CPXM2: variants seen among roughly 807,000 people sequenced by gnomAD.
CPXM2 encodes the protein carboxypeptidase X, M14 family member 2, also known as inactive carboxypeptidase-like protein X2.
In CPXM2, 66 loss-of-function variants were observed where a neutral mutation model predicts 86.1. The ratio of observed to expected loss-of-function variants is 0.77; its 90% confidence interval spans 0.63 to 0.94. CPXM2 has a LOEUF of 0.94. CPXM2 is among the 40% of genes least tolerant of loss of function. CPXM2 has a pLI of 0.00. For synonymous variants in CPXM2, 388 were observed against 400.2 expected (o/e 0.97, Z 0.36); for missense variants, 948 against 1,026.3 (o/e 0.92, Z 1.04).
chr10:123,812,768 G>A (rs966527025), intron 4 of CPXM2, among the ~76,000 whole-genome samples: 13 of 152,144 alleles, frequency 8.5e-5, no homozygotes, highest in African/African-American at 2.9e-4. Flanking sequence ...TGCTCCTTAT[G>A]AGAATCTAAT....
intron 2 of CPXM2, among the ~76,000 whole-genome samples, chr10:123,899,886 A>G (rs1431716007): frequency 6.6e-6 from 1 of 152,244 alleles, no homozygotes; most frequent in African/African-American, 2.4e-5. Flanking sequence ...TGTTAAATAA[A>G]AACCTCAGAA....
chr10:123,752,087 G>A, intron 13 of CPXM2: 1 of 984,816 alleles, frequency 1.0e-6, no homozygotes, highest in Non-Finnish European at 1.2e-6. Context: ...TTTTAGAATT[G>A]TCATTTCAAA....
intron 2 of CPXM2, among the ~76,000 whole-genome samples, chr10:123,929,352 A>G (rs1945648008): frequency 6.6e-6 from 1 of 152,212 alleles, no homozygotes; most frequent in South Asian, 2.1e-4. Flanking sequence ...GGAGTGAATG[A>G]GGCTGACTCA....
At chr10:123,921,562 A>G (rs1945579622) in intron 2 of CPXM2, among the ~76,000 whole-genome samples, 1 of 152,230 alleles carries the variant, frequency 6.6e-6, no homozygotes, top group Non-Finnish European at 1.5e-5. Flanking sequence ...CAGCCCACCT[A>G]TCCCTGTATA....
In CPXM2 at chr10:123,898,277, G is replaced by A. The variant is rs572236006; in HGVS notation, n.175-17968C>T. 2.5e-4 allele frequency among the ~76,000 whole-genome samples: 38 copies of A among 152,188 alleles called. No individual in the cohort carries two copies. In the Middle Eastern group the frequency reaches 0.017, roughly 68 times the overall value. On this transcript the variant is annotated intron_variant and non_coding_transcript_variant, in intron 2 of 19. Coordinates refer to the CPXM2 transcript ENST00000368854. The stretch of plus-strand genomic sequence containing the variant: ...TAATATTAAATCAATTAAAATGGGC[G>A]TCAAACAATCTTTATTAAAAAAAAT...
chr10:123,801,170 G>A (rs1847449693), intron 4 of CPXM2, among the ~76,000 whole-genome samples: 2 of 152,164 alleles, frequency 1.3e-5, no homozygotes, highest in South Asian at 4.2e-4. Flanking sequence ...GGGACCCAGT[G>A]GGAGGTAATT....
At chr10:123,799,931 T>C (rs1847419007) in intron 4 of CPXM2, among the ~76,000 whole-genome samples, 1 of 152,114 alleles carries the variant, frequency 6.6e-6, no homozygotes, top group African/African-American at 2.4e-5. Context: ...TTTTTTATAA[T>C]ATTAGTTGTT....
intron 2 of CPXM2, among the ~76,000 whole-genome samples, chr10:123,868,417 A>C (rs1590084090): frequency 6.6e-6 from 1 of 152,208 alleles, no homozygotes; most frequent in East Asian, 1.9e-4. Flanking sequence ...CCATGTCTTC[A>C]AAACCAGAAA....
At chr10:123,939,491 T>C (rs1215705979) in exon 2 of CPXM2, 1 of 152,206 alleles carries the variant, frequency 6.6e-6, no homozygotes, top group East Asian at 1.9e-4. Flanking sequence ...TGCGTGGCCT[T>C]GGGCAAGTTG....
At chr10:123,749,298 G>A (rs1564748019) in intron 13 of CPXM2, among the ~76,000 whole-genome samples, 1 of 152,148 alleles carries the variant, frequency 6.6e-6, no homozygotes, top group Non-Finnish European at 1.5e-5. Flanking sequence ...GGGCAGCCCA[G>A]GTTCTCACCA....
chr10:123,858,325 G>A (rs1590073479), intron 3 of CPXM2, among the ~76,000 whole-genome samples: 1 of 152,196 alleles, frequency 6.6e-6, no homozygotes, highest in Non-Finnish European at 1.5e-5. Context: ...CACAGGGTGG[G>A]GAATACCCAG....
intron 2 of CPXM2, among the ~76,000 whole-genome samples, chr10:123,937,556 C>T (rs1432483592): frequency 1.3e-5 from 2 of 151,068 alleles, no homozygotes; most frequent in African/African-American, 4.9e-5. Flanking sequence ...GCTGTTTCCA[C>T]TGGAATTTTA....
chr10:123,828,291 T>C (rs980244426), intron 4 of CPXM2, among the ~76,000 whole-genome samples: 3 of 152,188 alleles, frequency 2.0e-5, no homozygotes, highest in Non-Finnish European at 2.9e-5. Flanking sequence ...TTTTCAACAA[T>C]TGGTACTGAA....
chr10:123,870,654 C>A (rs541124689), intron 2 of CPXM2, among the ~76,000 whole-genome samples: 1 of 152,158 alleles, frequency 6.6e-6, no homozygotes, highest in Non-Finnish European at 1.5e-5. Context: ...TGGGAAATCT[C>A]TGAGCCAATC....
chr10:123,748,936 GGT>G (rs1163667334), intron 13 of CPXM2, among the ~76,000 whole-genome samples: 7 of 152,196 alleles, frequency 4.6e-5, no homozygotes, highest in African/African-American at 1.7e-4. Flanking sequence ...GCCTCGGCCC[GGT>G]GTTAAAGCTG....
intron 4 of CPXM2, among the ~76,000 whole-genome samples, chr10:123,799,611 C>T (rs903559781): frequency 9.9e-5 from 15 of 152,096 alleles, no homozygotes; most frequent in East Asian, 3.8e-4. Flanking sequence ...GGTTGCAAAC[C>T]GGTTTAAACA....
intron 2 of CPXM2, among the ~76,000 whole-genome samples, chr10:123,878,623 T>G (rs1945032977): frequency 1.3e-5 from 2 of 151,610 alleles, no homozygotes. Flanking sequence ...AATAAAGAAC[T>G]AAGATAATTC....
At position 123,768,891 on chromosome 10, in the gene CPXM2, A is replaced by T. The variant is rs1338004760; in HGVS notation, c.1103-169T>A. ...AAAATGACATCAGGACAACTGTCTT[A>T]TTCCCAGACAGTCAGGTATGTAAGA... On this transcript the variant is annotated intron_variant, in intron 8 of 13. Transcript: ENST00000241305. 2.0e-5 allele frequency among the ~76,000 whole-genome samples: 3 copies of T among 152,222 alleles called. No individual in the cohort carries two copies. In the East Asian group the frequency reaches 5.8e-4, roughly 29 times the overall value.
chr10:123,762,550 C>CT (rs1320095476), intron 10 of CPXM2, among the ~76,000 whole-genome samples: 1 of 151,988 alleles, frequency 6.6e-6, no homozygotes. Context: ...AAAGGAAATG[C>CT]TATGATGCCT....
Sources: allele counts gnomAD v4.1 joint callset (sites outside exome capture counted in the v4.1 genomes callset), GRCh38; gene constraint gnomAD v4.1.1; transcripts MANE v1.5; gene names NCBI Gene and HGNC (gene_info 2026-07-23, HGNC 2026-07-21).